The following AFF1 variants were observed in gnomAD, a reference collection of about 807,000 sequenced individuals.
AFF1 encodes the protein AF4/FMR2 family member 1.
In AFF1, 48 loss-of-function variants were observed where a neutral mutation model predicts 121.7. The observed-to-expected ratio is 0.39, with a 90% CI of 0.31 to 0.50. The LOEUF is 0.50. AFF1 is among the 20% of genes least tolerant of loss of function. AFF1 has a pLI of 0.76. For missense variants in AFF1, 1,523 were observed against 1,511.7 expected (o/e 1.01, Z -0.12); for synonymous variants, 613 against 563.0 (o/e 1.09, Z -1.26).
chr4:87,126,145 C>G lies in AFF1; in HGVS notation c.2620C>G (p.Pro874Ala). ...SQSSKKEMLP[P>A]PPVSSSSQKP... is the part of the protein sequence containing the mutation. ...GTCCTCAAAGAAGGAAATGCTCCCCCCGCCACCCGTGTCCTCGTCCTCCCA... is the reference window on the plus strand; with the variant it reads ...GTCCTCAAAGAAGGAAATGCTCCCCGCGCCACCCGTGTCCTCGTCCTCCCA... The change falls in exon 14 of 21, where the codon CCG becomes GCG. Residue 874 changes from proline (P) to alanine (A), a missense_variant. Physicochemically the swap from Pro to Ala is conservative, Grantham distance 27. Transcript: ENST00000395146. The G allele has an allele frequency of 6.2e-7, 1 of 1,614,218 alleles. No individual in the cohort carries two copies. The highest frequency in any genetic ancestry group is 2.2e-5 in the East Asian group (1 of 44,888).
At chr4:87,004,239 T>C (rs1304379416) in intron 2 of AFF1, among the ~76,000 whole-genome samples, 1 of 152,162 alleles carries the variant, frequency 6.6e-6, no homozygotes, top group African/African-American at 2.4e-5. Context: ...AAAAGAAGGC[T>C]CGATGAGTGT....
At chr4:86,958,297 G>T (rs1258504475) in intron 2 of AFF1, among the ~76,000 whole-genome samples, 1 of 151,684 alleles carries the variant, frequency 6.6e-6, no homozygotes, top group East Asian at 2.0e-4. Context: ...GTTTCACCAT[G>T]TTAGGCTGGT....
chr4:87,091,901 T>C, intron 7 of AFF1, 72 bp downstream of exon 7: 1 of 1,133,968 alleles, frequency 8.8e-7, no homozygotes, highest in Non-Finnish European at 1.3e-6. Flanking sequence ...GTAAAAACAT[T>C]AGTAAAAAAT....
At chr4:86,971,952 C>A (rs1045691480) in intron 2 of AFF1, among the ~76,000 whole-genome samples, 1 of 151,890 alleles carries the variant, frequency 6.6e-6, no homozygotes, top group Non-Finnish European at 1.5e-5. Context: ...GCCTGGGCAA[C>A]AAAGTGAGAC....
At chr4:87,068,935 GTGCCCCACAGTGTACAGC>G (rs945234687) in intron 4 of AFF1, among the ~76,000 whole-genome samples, 8 of 152,324 alleles carry the variant, frequency 5.3e-5, no homozygotes, top group Non-Finnish European at 7.3e-5. Context: ...ACAGAGGTGA[GTGCCCCACAGTGTACAGC>G]TGCCCCACAG....
In AFF1 at chr4:87,047,916, C is replaced by T; in HGVS notation, c.1059+322C>T. 3 of 327,590 alleles carry T rather than the reference C, an allele frequency of 9.2e-6. No homozygotes were observed. In the South Asian group the frequency reaches 9.9e-5, roughly 11 times the overall value. 20.3% of individuals were successfully genotyped at this position (327,590 alleles called of 1,614,324 possible). A position where few individuals can be genotyped will look rare whatever the true frequency, so the allele number is the denominator to read the frequency against. On this transcript the variant is annotated intron_variant, in intron 4 of 20. Coordinates refer to ENST00000395146, the MANE Select transcript of AFF1 (RefSeq NM_001166693.3). ...TAGATACACCTATAGGATCCAAAAC[C>T]CAATCAAGAGAGAGAAGATTTCGGT...
Position 87,136,055 on chromosome 4 carries a change from T to G in AFF1, c.*354T>G. 2 of 252,238 alleles carry G rather than the reference T, an allele frequency of 7.9e-6. No individual in the cohort carries two copies. 15.6% of individuals were successfully genotyped at this position (252,238 alleles called of 1,614,324 possible). ...GCAAATGAAATGAGGAGAAACAGTT[T>G]CAACTCTGAAAGTGAATTTCACGTC... On this transcript the variant is annotated 3_prime_UTR_variant, in exon 21 of 21. Coordinates refer to ENST00000395146, the MANE Select transcript of AFF1 (RefSeq NM_001166693.3).
At chr4:87,024,690 A>C (rs1012832777) in intron 2 of AFF1, among the ~76,000 whole-genome samples, 1 of 152,070 alleles carries the variant, frequency 6.6e-6, no homozygotes, top group African/African-American at 2.4e-5. Flanking sequence ...TCCTGGGTTC[A>C]AGCAATTCTC....
At chr4:86,937,396 A>G (rs2053771) in intron 1 of AFF1, among the ~76,000 whole-genome samples, 23,904 of 152,188 alleles carry the variant, frequency 0.16, 2,181 homozygotes, top group East Asian at 0.3. Context: ...ACTATAGGGT[A>G]ATAAGACTAT....
chr4:87,065,383 T>A (rs549148661), intron 4 of AFF1, among the ~76,000 whole-genome samples: 61 of 151,982 alleles, frequency 4.0e-4, no homozygotes, highest in Non-Finnish European at 7.6e-4. Context: ...CCACAACACA[T>A]GGGAATTCAA....
Position 87,138,873 on chromosome 4 carries a change from C to A in AFF1, c.*3172C>A, listed in dbSNP as rs342458. 0.38 allele frequency: 87,881 copies of A among 228,268 alleles called. 17,652 individuals are homozygous for A. The highest frequency in any genetic ancestry group is 0.52 in the Middle Eastern group (402 of 766). 14.1% of individuals were successfully genotyped at this position (228,268 alleles called of 1,614,324 possible). On this transcript the variant is annotated 3_prime_UTR_variant, in exon 21 of 21. Coordinates refer to ENST00000395146, the MANE Select transcript of AFF1 (RefSeq NM_001166693.3). ...TTGACCAAAATATGTAGCTATTTCC[C>A]TTACACAGATTGGACCGCACTTATC...
intron 8 of AFF1, among the ~76,000 whole-genome samples, chr4:87,097,761 A>G (rs2149729650): frequency 6.6e-6 from 1 of 152,304 alleles, no homozygotes; most frequent in East Asian, 1.9e-4. Flanking sequence ...AAGTGCCAGA[A>G]TGAAATGTAT....
Position 87,137,742 on chromosome 4 carries a change from C to T in AFF1, c.*2041C>T, listed in dbSNP as rs1012808538. The T allele has an allele frequency of 4.3e-6, 1 of 232,408 alleles. No individual in the cohort carries two copies. 14.4% of individuals were successfully genotyped at this position (232,408 alleles called of 1,614,324 possible). A position where few individuals can be genotyped will look rare whatever the true frequency, so the allele number is the denominator to read the frequency against. ...TCTGTTATATGTAAAGGACAAGGCA[C>T]CAGAATCAGGCTTTATTTCGATATT... On this transcript the variant is annotated 3_prime_UTR_variant, in exon 21 of 21. Coordinates refer to ENST00000395146, the MANE Select transcript of AFF1 (RefSeq NM_001166693.3).
chr4:87,035,556 G>A (rs1043614880), intron 2 of AFF1, among the ~76,000 whole-genome samples: 1 of 113,954 alleles, frequency 8.8e-6, no homozygotes, highest in Non-Finnish European at 2.0e-5. Context: ...GCAAGACTCC[G>A]TCCCAAGGAA....
intron 2 of AFF1, among the ~76,000 whole-genome samples, chr4:86,974,304 C>T (rs373860653): frequency 4.6e-5 from 7 of 152,092 alleles, no homozygotes; most frequent in African/African-American, 9.7e-5. Context: ...CATGCCACCA[C>T]GCCGGGCTAA....
intron 2 of AFF1, among the ~76,000 whole-genome samples, chr4:87,000,603 C>CTGTGTGTGTGTGTG (rs777829987): frequency 3.9e-4 from 30 of 76,754 alleles, no homozygotes; most frequent in Admixed American, 1.1e-3. Flanking sequence ...AAAAAATAAA[C>CTGTGTGTGTGTGTG]TCTGTGTGTG....
intron 2 of AFF1, among the ~76,000 whole-genome samples, chr4:87,039,818 G>A (rs1729936814): frequency 6.6e-6 from 1 of 152,194 alleles, no homozygotes; most frequent in South Asian, 2.1e-4. Context: ...CATGGTGTCT[G>A]TGGAGTGGTC....
At position 87,085,722 on chromosome 4, in the gene AFF1, A is replaced by G. The variant is rs75798914; in HGVS notation, c.1104+1558A>G. Among the ~76,000 whole-genome samples, 74 of 151,352 alleles carry G rather than the reference A, an allele frequency of 4.9e-4. No homozygotes were observed. In the East Asian group the frequency reaches 0.014, roughly 28 times the overall value. On this transcript the variant is annotated intron_variant, in intron 5 of 20. Coordinates refer to ENST00000395146, the MANE Select transcript of AFF1 (RefSeq NM_001166693.3). ...CCCATTTTGTAGTTAGGGTTTTCTG[A>G]GAAAGAAAGAACCTCTAGAGAAACA...
chr4:87,060,462 T>C lies in AFF1; in HGVS notation c.1059+12868T>C, dbSNP rs987615210. ...ATATTTTGCTATTGAAGGAATCACT[T>C]TTTTGGGAATGAGTCATCCAAATGG... On this transcript the variant is annotated intron_variant, in intron 4 of 20. Transcript: ENST00000395146. 3.0e-4 allele frequency among the ~76,000 whole-genome samples: 45 copies of C among 152,170 alleles called. 1 individual carries two copies. The highest frequency in any genetic ancestry group is 1.4e-3 in the Admixed American group (22 of 15,274).
Sources: allele counts gnomAD v4.1 joint callset (sites outside exome capture counted in the v4.1 genomes callset), GRCh38; gene constraint gnomAD v4.1.1; transcripts MANE v1.5; gene names NCBI Gene and HGNC (gene_info 2026-07-23, HGNC 2026-07-21).